The following ECE1 variants were observed in gnomAD, a reference collection of about 807,000 sequenced individuals.
ECE1 encodes endothelin converting enzyme 1.
Under a neutral mutation model 98.6 loss-of-function variants are expected in ECE1, and 35 were observed. The observed-to-expected ratio is 0.35, with a 90% CI of 0.27 to 0.47. The LOEUF is 0.47. ECE1 is among the 20% of genes least tolerant of loss of function. The pLI, the probability that ECE1 is intolerant of heterozygous loss-of-function variation, is 1.00. For synonymous variants in ECE1, 394 were observed against 407.1 expected (o/e 0.97, Z 0.39); for missense variants, 814 against 1,025.3 (o/e 0.79, Z 2.81).
chr1:21,302,824 C>T (rs1484330641), intron 1 of ECE1, among the ~76,000 whole-genome samples: 1 of 152,210 alleles, frequency 6.6e-6, no homozygotes, highest in African/African-American at 2.4e-5. Flanking sequence ...CCTCCCGTAC[C>T]TTCCCCAAAT....
intron 8 of ECE1, among the ~76,000 whole-genome samples, chr1:21,248,306 G>T (rs2098206952): frequency 6.6e-6 from 1 of 152,080 alleles, no homozygotes; most frequent in African/African-American, 2.4e-5. Context: ...GAGTAGCTGG[G>T]ATTACAACAG....
rs145474853 is a variant in ECE1, at chr1:21,307,583, G to A, written c.4-17427C>T. On this transcript the variant is annotated intron_variant, in intron 1 of 18. Coordinates refer to the ECE1 transcript ENST00000415912. The surrounding 1 kb of genome is among the most constrained non-coding windows in gnomAD (Gnocchi z 4.2). Reference sequence around the variant, plus strand: ...CGTCAGCAGCAGAGGGGCCTCCAGAGGACATTTTCTTGCACCCCAGGAGGC... The same window carrying A: ...CGTCAGCAGCAGAGGGGCCTCCAGAAGACATTTTCTTGCACCCCAGGAGGC... Among the ~76,000 whole-genome samples the A allele has an allele frequency of 4.4e-3, 665 of 152,330 alleles. 7 individuals are homozygous for A. Among genetic ancestry groups the A allele is most frequent in the South Asian group, 0.038 (185 of 4,820 alleles).
At chr1:21,224,115 C>T (rs761576537) in intron 17 of ECE1, among the ~76,000 whole-genome samples, 2 of 152,062 alleles carry the variant, frequency 1.3e-5, no homozygotes, top group Non-Finnish European at 2.9e-5. Context: ...GTGGCCTCTG[C>T]ACTTGCTCTT....
Position 21,233,827 on chromosome 1 carries a change from G to A in ECE1, c.1567-166C>T, listed in dbSNP as rs1195781079. On this transcript the variant is annotated intron_variant, in intron 13 of 18. Transcript: ENST00000374893. The surrounding 1 kb of genome is among the most constrained non-coding windows in gnomAD (Gnocchi z 4.0). ...AGCTCTTCTCTTGGCCTTCACCCTG[G>A]GGCACGAGATGGAATGACACCGTTG... Among the ~76,000 whole-genome samples the A allele has an allele frequency of 3.3e-5, 5 of 151,950 alleles. No individual in the cohort carries two copies. The highest frequency in any genetic ancestry group is 9.7e-5 in the African/African-American group (4 of 41,366).
intron 17 of ECE1, among the ~76,000 whole-genome samples, chr1:21,223,700 G>A (rs1258004556): frequency 2.6e-5 from 4 of 152,108 alleles, no homozygotes; most frequent in Non-Finnish European, 4.4e-5. Context: ...TCCTGACATC[G>A]TGATCCACCC....
rs1373973305 is a variant in ECE1 at position 21,340,959 on chromosome 1, AC to A, written c.3+4416del. ...GCACCCTCCGGGCCACCTCCTAAGCACAGTCCTCCGTGCCTCCAGATGAACC... is the reference window on the plus strand; with the variant it reads ...GCACCCTCCGGGCCACCTCCTAAGCAAGTCCTCCGTGCCTCCAGATGAACC... On this transcript the variant is annotated intron_variant, in intron 1 of 18. Transcript: ENST00000415912. This position sits in a 1 kb window ranked among gnomAD's most constrained non-coding sequence, Gnocchi z 4.6. 6.6e-6 allele frequency among the ~76,000 whole-genome samples: 1 copy of A among 151,920 alleles called. No homozygotes were observed. Among genetic ancestry groups the A allele is most frequent in the Non-Finnish European group, 1.5e-5 (1 of 67,992 alleles).
At chr1:21,226,393 C>T (rs1023937360) in intron 16 of ECE1, among the ~76,000 whole-genome samples, 5 of 152,134 alleles carry the variant, frequency 3.3e-5, no homozygotes, top group Admixed American at 1.3e-4. Flanking sequence ...GACATGGGGG[C>T]CTGGAGAAAT....
At chr1:21,232,287 A>G (rs1260423366) in intron 14 of ECE1, among the ~76,000 whole-genome samples, 3 of 150,302 alleles carry the variant, frequency 2.0e-5, no homozygotes, top group Admixed American at 1.3e-4. Flanking sequence ...TTGAGGAGAC[A>G]GTTTTTTTTT....
chr1:21,223,574 C>T (rs2098170117), intron 17 of ECE1, among the ~76,000 whole-genome samples: 1 of 152,182 alleles, frequency 6.6e-6, no homozygotes, highest in African/African-American at 2.4e-5. Context: ...TCAAGCAATT[C>T]CCTGCCTCGG....
chr1:21,279,113 G>A, intron 3 of ECE1, 78 bp downstream of exon 3: 2 of 1,612,084 alleles, frequency 1.2e-6, no homozygotes, highest in African/African-American at 2.7e-5. Flanking sequence ...GCTTAAGCAG[G>A]GAAGCCCCCC....
In ECE1 at chr1:21,243,195, C is replaced by T. The variant is rs145615333; in HGVS notation, c.1278+1794G>A. Among the ~76,000 whole-genome samples, 299 of 152,254 alleles carry T rather than the reference C, an allele frequency of 2.0e-3. 2 individuals carry two copies. The highest frequency in any genetic ancestry group is 6.8e-3 in the Middle Eastern group (2 of 294). On this transcript the variant is annotated intron_variant, in intron 10 of 18. Transcript: ENST00000374893. The stretch of plus-strand genomic sequence containing the variant: ...TTCCCTCACTGAGCCTCGATTTCAT[C>T]ATCTGTAAAATGGAAGAGGATAACA...
At chr1:21,339,450 C>A (rs138494046) in intron 1 of ECE1, among the ~76,000 whole-genome samples, 2 of 152,202 alleles carry the variant, frequency 1.3e-5, no homozygotes, top group African/African-American at 4.8e-5. Context: ...AATCGGGGAG[C>A]CACTGTCTAG....
rs1277170418 is a variant in ECE1, at chr1:21,319,383, C to CATAATA, written c.3+25992_3+25993insTATTAT. Among the ~76,000 whole-genome samples, 20 of 151,094 alleles carry CATAATA rather than the reference C, an allele frequency of 1.3e-4. No individual in the cohort carries two copies. The highest frequency in any genetic ancestry group is 4.2e-4 in the South Asian group (2 of 4,760). On this transcript the variant is annotated intron_variant, in intron 1 of 18. Transcript: ENST00000415912. This position sits in a 1 kb window ranked among gnomAD's most constrained non-coding sequence, Gnocchi z 4.4. ...TCATAATCATAATCATAATCATAAT[C>CATAATA]ATAAAGTGGACTACGCAGGGCTTTT... is the stretch of plus-strand genomic sequence containing the variant.
At chr1:21,335,495 G>A (rs189779929) in intron 1 of ECE1, among the ~76,000 whole-genome samples, 201 of 152,350 alleles carry the variant, frequency 1.3e-3, no homozygotes, top group Middle Eastern at 6.8e-3. Context: ...GCCCTGAGAG[G>A]TGGATTGAGC....
intron 1 of ECE1, among the ~76,000 whole-genome samples, chr1:21,313,185 C>G (rs1638764392): frequency 6.6e-6 from 1 of 152,168 alleles, no homozygotes; most frequent in South Asian, 2.1e-4. Flanking sequence ...AAGGCCAACT[C>G]CCCTTGTCTA....
rs772546036 is a variant in ECE1, at chr1:21,279,245, G to A, written c.226C>T (p.Leu76=). 1 of 1,614,210 alleles carries A rather than the reference G, an allele frequency of 6.2e-7. No individual in the cohort carries two copies. Among genetic ancestry groups the A allele is most frequent in the South Asian group, 1.1e-5 (1 of 91,082 alleles). The stretch of plus-strand genomic sequence containing the variant: ...AAGCAGGCCACCAGTCCTGCCGCCA[G>A]AAGTACCACCAACACCACCAGCCGC... The part of the protein sequence containing the change: ...EKRLVVLVVL[L]AAGLVACLAA... Residue 76 remains leucine, a synonymous_variant, in exon 3 of 19, where the codon CTG becomes TTG. Coordinates refer to ENST00000374893, the MANE Select transcript of ECE1 (RefSeq NM_001397.3).
intron 14 of ECE1, among the ~76,000 whole-genome samples, chr1:21,230,063 T>C (rs976082476): frequency 6.6e-6 from 1 of 152,056 alleles, no homozygotes; most frequent in Non-Finnish European, 1.5e-5. Context: ...TAGCCAGGTG[T>C]GGTGGTGTGC....
At chr1:21,256,226 C>T (rs28367989) in intron 7 of ECE1, 88 bp from the exon 8 acceptor site, 44,747 of 1,458,540 alleles carry the variant, frequency 0.031, 860 homozygotes, top group Non-Finnish European at 0.035. Context: ...CAGCCAAGTC[C>T]GGCACAGGGA....
At chr1:21,253,232 T>C (rs1349554367) in intron 8 of ECE1, among the ~76,000 whole-genome samples, 2 of 151,822 alleles carry the variant, frequency 1.3e-5, no homozygotes, top group Non-Finnish European at 2.9e-5. Flanking sequence ...AATTTTTGTA[T>C]TTTTAGTAGA....
Sources: gnomAD v4.1 joint callset for allele counts (sites outside exome capture counted in the v4.1 genomes callset) on GRCh38, gnomAD v4.1.1 for gene constraint, Gnocchi (gnomAD v3.1) non-coding constraint, MANE v1.5 for transcripts, NCBI Gene and HGNC (gene_info 2026-07-23, HGNC 2026-07-21) for gene names.